Variants in ARK2N observed in about 807,000 individuals in gnomAD.
ARK2N encodes arkadia (RNF111) N-terminal like PKA signaling regulator 2N.
the ARK2N span, among the ~76,000 whole-genome samples, chr18:46,220,129 C>T: frequency 2.6e-5 from 4 of 152,264 alleles, no homozygotes; most frequent in East Asian, 7.7e-4. Context: ...TGGTTAAATG[C>T]TTATTCACAC....
the ARK2N span, among the ~76,000 whole-genome samples, chr18:46,258,826 A>G: frequency 2.0e-5 from 3 of 152,374 alleles, no homozygotes; most frequent in African/African-American, 2.4e-5. Flanking sequence ...GTTGCGTCAC[A>G]AAATTTCGAG....
chr18:46,176,991 T>TC, the ARK2N span, among the ~76,000 whole-genome samples: 1 of 152,194 alleles, frequency 6.6e-6, no homozygotes, highest in Non-Finnish European at 1.5e-5. Flanking sequence ...GCTCAGGCAG[T>TC]CCTCCTGCCT....
At chr18:46,242,555 C>G in the ARK2N span, among the ~76,000 whole-genome samples, 1 of 151,714 alleles carries the variant, frequency 6.6e-6, no homozygotes, top group African/African-American at 2.4e-5. Flanking sequence ...ACAACTGTGG[C>G]TTCAGATGTT....
chr18:46,216,245 C>T, the ARK2N span: 36 of 1,613,720 alleles, frequency 2.2e-5, 1 homozygote, highest in East Asian at 6.7e-5. The surrounding 1 kb of genome is among the most constrained non-coding windows in gnomAD (Gnocchi z 4.3). Flanking sequence ...CAGGCAGAAA[C>T]GGCGGTAGAA....
the ARK2N span, among the ~76,000 whole-genome samples, chr18:46,230,186 A>G: frequency 1.3e-5 from 2 of 152,128 alleles, no homozygotes; most frequent in Non-Finnish European, 2.9e-5. Flanking sequence ...CAGCCTCCCA[A>G]AGTGCTGGGA....
At chr18:46,188,443 C>A in the ARK2N span, among the ~76,000 whole-genome samples, 1 of 152,140 alleles carries the variant, frequency 6.6e-6, no homozygotes, top group Non-Finnish European at 1.5e-5. Flanking sequence ...CTCAGGTGAT[C>A]CACCTGCATA....
the ARK2N span, among the ~76,000 whole-genome samples, chr18:46,226,995 A>T: frequency 1.3e-5 from 2 of 151,642 alleles, no homozygotes; most frequent in Non-Finnish European, 2.9e-5. Context: ...TTAAGTAGAG[A>T]TGGGGGTTTC....
chr18:46,261,758 G>A, the ARK2N span, among the ~76,000 whole-genome samples: 8 of 152,212 alleles, frequency 5.3e-5, no homozygotes, highest in Admixed American at 5.2e-4. Flanking sequence ...CTGGCCCTGA[G>A]AGATCTGTTC....
the ARK2N span, among the ~76,000 whole-genome samples, chr18:46,178,893 C>CA: frequency 0.32 from 44,651 of 141,170 alleles, 6,984 homozygotes; most frequent in East Asian, 0.43. Flanking sequence ...GACTCTTTCT[C>CA]AAAAAAAAAA....
the ARK2N span, among the ~76,000 whole-genome samples, chr18:46,201,569 T>C: frequency 6.6e-6 from 1 of 152,088 alleles, no homozygotes; most frequent in South Asian, 2.1e-4. Flanking sequence ...CAGTGTAAAT[T>C]TGAATTCTAG....
the ARK2N span, chr18:46,173,977 T>C: frequency 6.6e-6 from 1 of 151,934 alleles, no homozygotes; most frequent in Non-Finnish European, 1.5e-5. Context: ...TCTCCAGAGG[T>C]CTCCGGCGCA....
At chr18:46,261,610 C>G in the ARK2N span, among the ~76,000 whole-genome samples, 1 of 152,214 alleles carries the variant, frequency 6.6e-6, no homozygotes, top group East Asian at 1.9e-4. Flanking sequence ...CTTTATGTCC[C>G]TTATTTTAAT....
the ARK2N span, chr18:46,240,204 C>T: frequency 6.2e-7 from 1 of 1,613,568 alleles, no homozygotes; most frequent in East Asian, 2.2e-5. Context: ...CTTCCCCATC[C>T]CCCTTCTCTA....
At chr18:46,186,615 C>T in the ARK2N span, among the ~76,000 whole-genome samples, 1 of 150,518 alleles carries the variant, frequency 6.6e-6, no homozygotes, top group East Asian at 2.0e-4. Context: ...CACCATTCTC[C>T]TGCCTTAGCC....
At chr18:46,234,719 G>T in the ARK2N span, among the ~76,000 whole-genome samples, 1 of 152,000 alleles carries the variant, frequency 6.6e-6, no homozygotes, top group African/African-American at 2.4e-5. Context: ...TCACTGTCTG[G>T]ATTGAGGCTA....
At chr18:46,238,350 G>C in the ARK2N span, among the ~76,000 whole-genome samples, 2 of 152,132 alleles carry the variant, frequency 1.3e-5, no homozygotes, top group Non-Finnish European at 2.9e-5. Context: ...TATATCTTCT[G>C]TATCCAAGTA....
the ARK2N span, among the ~76,000 whole-genome samples, chr18:46,190,608 GA>G: frequency 6.6e-6 from 1 of 151,616 alleles, no homozygotes; most frequent in African/African-American, 2.4e-5. Flanking sequence ...ATGGATTTTT[GA>G]AATGAAATTA....
chr18:46,250,894 A>G, the ARK2N span, among the ~76,000 whole-genome samples: 1 of 151,706 alleles, frequency 6.6e-6, no homozygotes, highest in Admixed American at 6.6e-5. Context: ...ATCTGTGCCT[A>G]CTCTTCCTTG....
the ARK2N span, among the ~76,000 whole-genome samples, chr18:46,203,552 C>G: frequency 6.6e-6 from 1 of 152,044 alleles, no homozygotes; most frequent in African/African-American, 2.4e-5. Flanking sequence ...TGTCAGGATG[C>G]ACACTTAACG....
Sources: gnomAD v4.1 joint callset for allele counts (sites outside exome capture counted in the v4.1 genomes callset) on GRCh38, gnomAD v4.1.1 for gene constraint, Gnocchi (gnomAD v3.1) non-coding constraint, MANE v1.5 for transcripts, NCBI Gene and HGNC (gene_info 2026-07-23, HGNC 2026-07-21) for gene names.